The following SERPINF1 variants were observed in gnomAD, a reference collection of about 807,000 sequenced individuals.
The protein encoded by SERPINF1 is pigment epithelium-derived factor.
In SERPINF1, 29 loss-of-function variants were observed where a neutral mutation model predicts 37.3. The ratio of observed to expected loss-of-function variants is 0.78; its 90% CI spans 0.58 to 1.06. The LOEUF (loss-of-function observed/expected upper bound fraction) is 1.06, where lower values mean the gene tolerates loss of function less well. SERPINF1 is among the 50% of genes least tolerant of loss of function. The probability of loss-of-function intolerance (pLI) is 0.00; values close to 1 mark genes in which losing one functional copy is unlikely to be tolerated. For missense variants in SERPINF1, 553 were observed against 532.2 expected (o/e 1.04, Z -0.38); for synonymous variants, 281 against 227.9 (o/e 1.23, Z -2.10).
At chr17:1,767,545 G>A (rs968209061) in intron 2 of SERPINF1, among the ~76,000 whole-genome samples, 10 of 152,192 alleles carry the variant, frequency 6.6e-5, no homozygotes, top group Non-Finnish European at 1.5e-5. Flanking sequence ...CAGGGAGTGA[G>A]GGTATGGAGT....
In SERPINF1 at chr17:1,776,606, C is replaced by G. The variant is rs138744676; in HGVS notation, c.861C>G (p.Thr287=). The G allele has an allele frequency of 1.9e-6, 3 of 1,614,032 alleles. No homozygotes were observed. The highest frequency in any genetic ancestry group is 2.5e-6 in the Non-Finnish European group (3 of 1,180,026). ...FLPLKVTQNL[T]LIEESLTSEF... Reference sequence around the variant, plus strand: ...CCCTGAAAGTGACCCAGAATTTGACCTTGATAGAGGAGAGCCTCACCTCCG... The same window carrying G: ...CCCTGAAAGTGACCCAGAATTTGACGTTGATAGAGGAGAGCCTCACCTCCG... Residue 287 remains threonine (T), a synonymous_variant, in exon 7 of 8, where the codon ACC becomes ACG. Transcript: ENST00000254722.
chr17:1,774,516 G>T (rs984741399), intron 5 of SERPINF1, among the ~76,000 whole-genome samples: 16 of 152,188 alleles, frequency 1.1e-4, no homozygotes, highest in Admixed American at 2.6e-4. Context: ...ATTTTTAGTA[G>T]AGACGGGGTT....
intron 4 of SERPINF1, 66 bp downstream of exon 4, chr17:1,771,250 CTTTTTT>C: frequency 4.1e-6 from 5 of 1,211,624 alleles, no homozygotes; most frequent in East Asian, 2.8e-5. Flanking sequence ...CTGGGGGGGT[CTTTTTT>C]TTTTTTTTTT....
At chr17:1,775,449 C>T (rs988664337) in intron 6 of SERPINF1, among the ~76,000 whole-genome samples, 1 of 152,054 alleles carries the variant, frequency 6.6e-6, no homozygotes, top group African/African-American at 2.4e-5. Flanking sequence ...AATGGGCCCT[C>T]AGACTGGGCA....
chr17:1,774,914 C>T, intron 5 of SERPINF1, 144 bp from the exon 6 acceptor site: 1 of 934,428 alleles, frequency 1.1e-6, no homozygotes, highest in South Asian at 1.4e-5. Flanking sequence ...CTGAGATAGG[C>T]CTATTCCCTG....
At position 1,777,355 on chromosome 17, in the gene SERPINF1, A is replaced by G; in HGVS notation, c.1166A>G (p.His389Arg). 6.2e-7 allele frequency: 1 copy of G among 1,613,852 alleles called. No individual in the cohort carries two copies. Among genetic ancestry groups the G allele is most frequent in the Non-Finnish European group, 8.5e-7 (1 of 1,179,980 alleles). The change falls in exon 8 of 8, where the codon CAC becomes CGC. Residue 389 changes from histidine to arginine, a missense_variant. Transcript: ENST00000254722. ...CACCTCACCTTCCCGCTGGACTATCACCTTAACCAGCCTTTCATCTTCGTA... is the reference window on the plus strand; with the variant it reads ...CACCTCACCTTCCCGCTGGACTATCGCCTTAACCAGCCTTTCATCTTCGTA... ...PAHLTFPLDYHLNQPFIFVLR... is the reference protein window; with the variant it reads ...PAHLTFPLDYRLNQPFIFVLR...
rs1305592989 is a variant in SERPINF1 at position 1,771,035 on chromosome 17, A to G, written c.290A>G (p.Glu97Gly). The G allele has an allele frequency of 1.2e-6, 2 of 1,613,996 alleles. No individual in the cohort carries two copies. The highest frequency in any genetic ancestry group is 1.7e-6 in the Non-Finnish European group (2 of 1,179,948). The change falls in exon 4 of 8, where the codon GAG becomes GGG. Residue 97 changes from glutamate (E) to glycine (G), a missense_variant. Glu to Gly is a moderately conservative substitution (Grantham distance 98). Coordinates refer to ENST00000254722, the MANE Select transcript of SERPINF1 (RefSeq NM_002615.7). Reference sequence around the variant, plus strand: ...ACATCCTTGTCTCTGGCAGGAGCGGAGCAGCGAACAGAATCCATCATTCAC... The same window carrying G: ...ACATCCTTGTCTCTGGCAGGAGCGGGGCAGCGAACAGAATCCATCATTCAC... Reference protein sequence around the residue: ...TALSALSLGAEQRTESIIHRA... With the variant: ...TALSALSLGAGQRTESIIHRA...
rs1445497970 is a variant in SERPINF1, at chr17:1,771,944, G to T, written c.512G>T (p.Gly171Val). ...GGGACCAGGCCCAGAGTCCTGACGG[G>T]CAACCCTCGCTTGGACCTGCAAGAG... is the stretch of plus-strand genomic sequence containing the variant. ...SYGTRPRVLT[G>V]NPRLDLQEIN... Residue 171 changes from glycine to valine, a missense_variant, in exon 5 of 8, where the codon GGC (glycine) becomes GTC (valine). Physicochemically the swap from Gly to Val is moderately radical, Grantham distance 109. Coordinates refer to ENST00000254722, the MANE Select transcript of SERPINF1 (RefSeq NM_002615.7). 6.2e-7 allele frequency: 1 copy of T among 1,614,022 alleles called. No individual in the cohort carries two copies. Among genetic ancestry groups the T allele is most frequent in the Admixed American group, 1.7e-5 (1 of 59,990 alleles).
intron 1 of SERPINF1, 69 bp from the exon 2 acceptor site, chr17:1,766,834 C>T: frequency 1.4e-6 from 2 of 1,458,382 alleles, no homozygotes; most frequent in South Asian, 1.2e-5. Context: ...GCTGGGGTGG[C>T]CAGGAAGGGG....
intron 2 of SERPINF1, among the ~76,000 whole-genome samples, chr17:1,768,533 GTGCGATCTTGGCTCAC>G (rs1235055172): frequency 6.6e-6 from 1 of 151,730 alleles, no homozygotes; most frequent in East Asian, 1.9e-4. Flanking sequence ...GAGTACAGTG[GTGCGATCTTGGCTCAC>G]TGCAATCTTG....
chr17:1,774,736 C>G (rs1907923911), intron 5 of SERPINF1, among the ~76,000 whole-genome samples: 1 of 152,124 alleles, frequency 6.6e-6, no homozygotes, highest in Non-Finnish European at 1.5e-5. Context: ...TGCTGGGATT[C>G]CAGGTGTGAG....
chr17:1,766,880 G>C, intron 1 of SERPINF1, 23 bp from the exon 2 acceptor site: 2 of 1,548,780 alleles, frequency 1.3e-6, no homozygotes, highest in Non-Finnish European at 1.7e-6. Flanking sequence ...AGAGCGGCTT[G>C]CTGCCTCGTT....
At chr17:1,762,582 T>C (rs1198802381) in intron 1 of SERPINF1, among the ~76,000 whole-genome samples, 1 of 152,150 alleles carries the variant, frequency 6.6e-6, no homozygotes, top group African/African-American at 2.4e-5. Flanking sequence ...TCCCTGCTAC[T>C]TTTTCAAAAT....
intron 6 of SERPINF1, among the ~76,000 whole-genome samples, chr17:1,775,547 C>CTTTT (rs148801713): frequency 0.026 from 3,727 of 142,916 alleles, 186 homozygotes; most frequent in African/African-American, 0.092. Flanking sequence ...TCGTTGGCAT[C>CTTTT]TTTTTTTTTT....
intron 3 of SERPINF1, 83 bp from the exon 4 acceptor site, chr17:1,770,946 G>GT: frequency 6.4e-7 from 1 of 1,552,372 alleles, no homozygotes. Flanking sequence ...AAAAAGATGA[G>GT]TATAGTGTCT....
chr17:1,764,843 TCC>T (rs1907273427), intron 1 of SERPINF1, among the ~76,000 whole-genome samples: 1 of 116,118 alleles, frequency 8.6e-6, no homozygotes, highest in Non-Finnish European at 1.7e-5. Context: ...CATTTTTTTT[TCC>T]TTTTTTTTTT....
chr17:1,765,643 GTTATT>G lies in SERPINF1; in HGVS notation c.-8-1253_-8-1249del, dbSNP rs1365112574. Reference sequence around the variant, plus strand: ...GGTAGTTGTTTTATTTTAATAGTAGGTTATTTTATTTCCATTTTACAAGAGAAAAA... The same window carrying G: ...GGTAGTTGTTTTATTTTAATAGTAGGTTATTTCCATTTTACAAGAGAAAAA... On this transcript the variant is annotated intron_variant, in intron 1 of 7. Transcript: ENST00000254722. Among the ~76,000 whole-genome samples, 6 of 152,124 alleles carry G rather than the reference GTTATT, an allele frequency of 3.9e-5. 1 individual carries two copies. In the East Asian group the frequency reaches 7.8e-4, roughly 20 times the overall value.
chr17:1,771,638 G>A lies in SERPINF1; in HGVS notation c.440-234G>A, dbSNP rs765446774. On this transcript the variant is annotated intron_variant, in intron 4 of 7. Transcript: ENST00000254722. ...GAGGCTCAGAAAGAGGAAGTGGGCT[G>A]CAGGAGACGGTGGGAGGGGCAGGGA... The A allele has an allele frequency of 4.1e-4, 237 of 576,368 alleles. 1 individual carries two copies. The highest frequency in any genetic ancestry group is 2.4e-3 in the Middle Eastern group (5 of 2,078). The allele number at this position is 576,368 out of a possible 1,614,324, so 35.7% of individuals were successfully genotyped here. A position where few individuals can be genotyped will look rare whatever the true frequency, so the allele number is the denominator to read the frequency against.
chr17:1,771,153 C>T lies in SERPINF1; in HGVS notation c.408C>T (p.Leu136=). Reference sequence around the variant, plus strand: ...CGGTCACTGCCCCCCAGAAGAACCTCAAGAGTGCCTCCCGGATCGTCTTTG... The same window carrying T: ...CGGTCACTGCCCCCCAGAAGAACCTTAAGAGTGCCTCCCGGATCGTCTTTG... ...LDTVTAPQKN[L]KSASRIVFEK... The change falls in exon 4 of 8, where the codon CTC becomes CTT. Residue 136 remains leucine (L), a synonymous_variant. Coordinates refer to ENST00000254722, the MANE Select transcript of SERPINF1 (RefSeq NM_002615.7). The T allele has an allele frequency of 1.2e-6, 2 of 1,614,000 alleles. No individual in the cohort carries two copies. The highest frequency in any genetic ancestry group is 1.7e-6 in the Non-Finnish European group (2 of 1,179,966).
Sources: allele counts gnomAD v4.1 joint callset (sites outside exome capture counted in the v4.1 genomes callset), GRCh38; gene constraint gnomAD v4.1.1; transcripts MANE v1.5; gene names NCBI Gene and HGNC (gene_info 2026-07-23, HGNC 2026-07-21).